The following GNB1 variants were observed in gnomAD, a reference collection of about 807,000 sequenced individuals.
The protein encoded by GNB1 is guanine nucleotide-binding protein G(I)/G(S)/G(T) subunit beta-1.
Under a neutral mutation model 42.9 loss-of-function variants are expected in GNB1, and 2 were observed. That is an observed-to-expected ratio of 0.05 (90% confidence interval 0.02 to 0.15). The LOEUF (loss-of-function observed/expected upper bound fraction) is 0.15. Among genes scored for constraint, GNB1 ranks in the 10% least tolerant of loss-of-function variants. GNB1 has a pLI of 1.00. For missense variants in GNB1, 193 were observed against 462.2 expected (o/e 0.42, Z 5.34); for synonymous variants, 183 against 174.7 (o/e 1.05, Z -0.38).
At chr1:1,881,824 T>G (rs572915759) in intron 1 of GNB1, among the ~76,000 whole-genome samples, 1 of 152,180 alleles carries the variant, frequency 6.6e-6, no homozygotes. Flanking sequence ...AAATAATTAC[T>G]GAGCACCTGG....
chr1:1,869,643 G>A (rs1052452816), intron 1 of GNB1, among the ~76,000 whole-genome samples: 2 of 152,114 alleles, frequency 1.3e-5, no homozygotes, highest in African/African-American at 2.4e-5. Context: ...TATTCATCAC[G>A]TAGCTGGTTC....
chr1:1,802,246 G>A (rs1646635736), intron 7 of GNB1, among the ~76,000 whole-genome samples: 1 of 152,100 alleles, frequency 6.6e-6, no homozygotes, highest in African/African-American at 2.4e-5. Context: ...TCATTCCCAT[G>A]TGCACACAGC....
At chr1:1,794,940 G>T (rs916924097) in intron 7 of GNB1, among the ~76,000 whole-genome samples, 1 of 152,110 alleles carries the variant, frequency 6.6e-6, no homozygotes, top group Non-Finnish European at 1.5e-5. Flanking sequence ...CACCCACCTC[G>T]GCTTCCCAAA....
At chr1:1,800,753 TAAAAAAAAA>T (rs943269814) in intron 7 of GNB1, among the ~76,000 whole-genome samples, 2 of 115,324 alleles carry the variant, frequency 1.7e-5, no homozygotes, top group Non-Finnish European at 3.7e-5. Flanking sequence ...TTTAGATTGT[TAAAAAAAAA>T]AAAAAAAAAG....
chr1:1,817,820 A>C lies in GNB1; in HGVS notation c.96+17T>G, dbSNP rs753758297. 1.3e-6 allele frequency: 2 copies of C among 1,596,458 alleles called. No individual in the cohort carries two copies. The highest frequency in any genetic ancestry group is 3.3e-5 in the Admixed American group (2 of 59,968). On this transcript the variant is annotated intron_variant, in intron 4 of 11. Coordinates refer to ENST00000378609, the MANE Select transcript of GNB1 (RefSeq NM_002074.5). Reference sequence around the variant, plus strand: ...CCTCACAGGCAGATGGCTCTGCGTGACTCAGTGGGCTCTTACCTGAGAGAG... The same window carrying C: ...CCTCACAGGCAGATGGCTCTGCGTGCCTCAGTGGGCTCTTACCTGAGAGAG...
At chr1:1,829,343 T>C (rs1280131812) in intron 2 of GNB1, among the ~76,000 whole-genome samples, 1 of 152,062 alleles carries the variant, frequency 6.6e-6, no homozygotes, top group Non-Finnish European at 1.5e-5. Context: ...GTATGAGCCA[T>C]CATGCCCCGC....
intron 1 of GNB1, among the ~76,000 whole-genome samples, chr1:1,858,670 G>A (rs1416996784): frequency 6.6e-6 from 1 of 152,184 alleles, no homozygotes; most frequent in African/African-American, 2.4e-5. Context: ...CAAGATGCCA[G>A]GGACACTGCA....
intron 1 of GNB1, among the ~76,000 whole-genome samples, chr1:1,887,386 T>C (rs1000554174): frequency 6.6e-6 from 1 of 152,236 alleles, no homozygotes; most frequent in African/African-American, 2.4e-5. Context: ...AAGCTGTTTT[T>C]AGCTACAAAG....
At position 1,866,635 on chromosome 1, in the gene GNB1, TA is replaced by T. The variant is rs35188163; in HGVS notation, c.-96+24184del. Among the ~76,000 whole-genome samples the T allele has an allele frequency of 2.3e-4, 33 of 146,462 alleles. 1 individual carries two copies. The highest frequency in any genetic ancestry group is 5.5e-4 in the African/African-American group (22 of 39,686). Reference sequence around the variant, plus strand: ...ACTAACTAGTAATAGCTGATGAGCTTAAAAAAAAAAAAAATCGCTAAAAAAA... The same window carrying T: ...ACTAACTAGTAATAGCTGATGAGCTTAAAAAAAAAAAAATCGCTAAAAAAA... On this transcript the variant is annotated intron_variant, in intron 1 of 11. Coordinates refer to ENST00000378609, the MANE Select transcript of GNB1 (RefSeq NM_002074.5).
chr1:1,862,192 G>A (rs913037359), intron 1 of GNB1, among the ~76,000 whole-genome samples: 46 of 152,164 alleles, frequency 3.0e-4, no homozygotes, highest in African/African-American at 8.2e-4. Flanking sequence ...ACTGCACTCC[G>A]CCTGGGTAAC....
intron 1 of GNB1, among the ~76,000 whole-genome samples, chr1:1,859,879 G>T (rs1426428797): frequency 6.7e-6 from 1 of 150,060 alleles, no homozygotes; most frequent in African/African-American, 2.5e-5. Context: ...GTAAGGAAGG[G>T]ATCCATTTTC....
intron 1 of GNB1, among the ~76,000 whole-genome samples, chr1:1,877,754 G>A (rs994158395): frequency 4.6e-5 from 7 of 152,174 alleles, no homozygotes; most frequent in Admixed American, 6.6e-5. Context: ...AGATGGTGGA[G>A]GCAATGGAAA....
chr1:1,879,477 C>T (rs928766930), intron 1 of GNB1, among the ~76,000 whole-genome samples: 6 of 152,148 alleles, frequency 3.9e-5, no homozygotes, highest in African/African-American at 1.2e-4. Flanking sequence ...GAGGCCGAGG[C>T]GGGCAGATCA....
At chr1:1,813,849 G>A (rs938824558) in intron 5 of GNB1, among the ~76,000 whole-genome samples, 1 of 152,180 alleles carries the variant, frequency 6.6e-6, no homozygotes, top group African/African-American at 2.4e-5. Context: ...GTATATTTAC[G>A]GAGTACAATG....
At chr1:1,881,415 A>G (rs1649839217) in intron 1 of GNB1, among the ~76,000 whole-genome samples, 1 of 137,860 alleles carries the variant, frequency 7.3e-6, no homozygotes, top group South Asian at 2.3e-4. Flanking sequence ...TCGAGGTAAA[A>G]GTTCATTTTT....
rs1648141591 is a variant in GNB1 at position 1,854,169 on chromosome 1, GA to G, written c.-95-14932del. On this transcript the variant is annotated intron_variant, in intron 1 of 11. Transcript: ENST00000378609. ...ACATCAACTGCTATCCATTGCTAAG[GA>G]AACATAAAACTACGTAAGAAGGGGA... Among the ~76,000 whole-genome samples the G allele has an allele frequency of 2.0e-5, 3 of 152,168 alleles. No individual in the cohort carries two copies. In the South Asian group the frequency reaches 6.2e-4, roughly 32 times the overall value.
At position 1,801,486 on chromosome 1, in the gene GNB1, G is replaced by A. The variant is rs948694750; in HGVS notation, c.430+2933C>T. 3.9e-5 allele frequency among the ~76,000 whole-genome samples: 6 copies of A among 152,284 alleles called. No homozygotes were observed. The South Asian group carries it at 8.3e-4, about 21-fold the overall frequency. ...GTGAGCAAGGGCAGACAGCAGGCCC[G>A]TGTGGCTGTGAGTTCCTTACGTTTC... On this transcript the variant is annotated intron_variant, in intron 7 of 11. Coordinates refer to ENST00000378609, the MANE Select transcript of GNB1 (RefSeq NM_002074.5).
chr1:1,860,370 T>C (rs994576450), intron 1 of GNB1, among the ~76,000 whole-genome samples: 3 of 152,166 alleles, frequency 2.0e-5, no homozygotes, highest in South Asian at 2.1e-4. Context: ...ATACCCAAAC[T>C]TGAGCATCAT....
intron 8 of GNB1, among the ~76,000 whole-genome samples, chr1:1,792,211 G>C (rs960975431): frequency 6.6e-6 from 1 of 152,210 alleles, no homozygotes; most frequent in Non-Finnish European, 1.5e-5. Context: ...CACTAAAAAT[G>C]AAGTCTGATG....
Sources: gnomAD v4.1 joint callset for allele counts (sites outside exome capture counted in the v4.1 genomes callset) on GRCh38, gnomAD v4.1.1 for gene constraint, MANE v1.5 for transcripts, NCBI Gene and HGNC (gene_info 2026-07-23, HGNC 2026-07-21) for gene names.